Variants in FAM120B observed in about 807,000 individuals in gnomAD.
The protein encoded by FAM120B is family with sequence similarity 120 member B, also known as constitutive coactivator of peroxisome proliferator-activated receptor gamma.
Under a neutral mutation model 96.3 loss-of-function variants are expected in FAM120B, and 83 were observed. The observed-to-expected ratio is 0.86, with a 90% CI of 0.72 to 1.03. The LOEUF is 1.03. FAM120B is among the 50% of genes least tolerant of loss of function. The pLI is 0.00. For synonymous variants in FAM120B, 407 were observed against 402.7 expected, an observed-to-expected ratio of 1.01 and a Z score of -0.13; for missense variants, 1,027 against 1,121.2, an observed-to-expected ratio of 0.92 and a Z score of 1.20.
At chr6:170,302,371 T>C (rs970997829), upstream of FAM120B, among the ~76,000 whole-genome samples, 1 of 152,164 alleles carries the variant, frequency 6.6e-6, no homozygotes, top group African/African-American at 2.4e-5. Context: ...GTCCTTCCCA[T>C]GACATGTGGA....
intron 4 of FAM120B, among the ~76,000 whole-genome samples, chr6:170,342,114 G>A (rs764607268): frequency 1.3e-5 from 2 of 152,206 alleles, no homozygotes; most frequent in Non-Finnish European, 2.9e-5. Context: ...GGAGAAGGAT[G>A]TAGGCTGGGA....
At chr6:170,388,871 A>G (rs1416383365) in intron 7 of FAM120B, among the ~76,000 whole-genome samples, 1 of 152,258 alleles carries the variant, frequency 6.6e-6, no homozygotes, top group Non-Finnish European at 1.5e-5. Context: ...ACTGTTGACC[A>G]GAAGCCTTAA....
intron 3 of FAM120B, among the ~76,000 whole-genome samples, chr6:170,329,468 C>T (rs186094645): frequency 2.0e-5 from 3 of 152,266 alleles, no homozygotes; most frequent in African/African-American, 4.8e-5. Flanking sequence ...ACGACCACCC[C>T]CACTGTCCCC....
In FAM120B at chr6:170,391,080, G is replaced by A; in HGVS notation, c.2558G>A (p.Arg853Lys). The A allele has an allele frequency of 6.2e-7, 1 of 1,614,220 alleles. No individual in the cohort carries two copies. The highest frequency in any genetic ancestry group is 8.5e-7 in the Non-Finnish European group (1 of 1,180,038). ...VVCKACMKENRRITGRAHWGS... is the reference protein window; with the variant it reads ...VVCKACMKENKRITGRAHWGS... The stretch of plus-strand genomic sequence containing the variant: ...TGCAAGGCCTGCATGAAGGAGAACA[G>A]ACGCATCACTGGCCGAGCCCACTGG... Residue 853 changes from arginine (R) to lysine (K), a missense_variant, in exon 8 of 11, where the codon AGA becomes AAA. This residue lies in a region of FAM120B where 142 missense variants were observed against 122.5 expected (regional missense o/e 1.16). Transcript: ENST00000476287.
chr6:170,371,907 G>A (rs1789219743), intron 6 of FAM120B, among the ~76,000 whole-genome samples: 1 of 152,212 alleles, frequency 6.6e-6, no homozygotes, highest in South Asian at 2.1e-4. Flanking sequence ...CGAGGGCCTG[G>A]CTCAGGACCT....
chr6:170,397,474 A>T lies in FAM120B; in HGVS notation c.2692+1895A>T, dbSNP rs1173398568. ...GCTGTCACGAGGTCAGGTGGGCTAG[A>T]CTTGGAGGGCCCTGCAGCTCTGTGT... On this transcript the variant is annotated intron_variant, in intron 9 of 10. Transcript: ENST00000476287. 2.6e-5 allele frequency among the ~76,000 whole-genome samples: 4 copies of T among 152,156 alleles called. No homozygotes were observed. In the East Asian group the frequency reaches 7.7e-4, roughly 29 times the overall value.
chr6:170,293,857 A>T (rs1003444223), upstream of FAM120B, among the ~76,000 whole-genome samples: 3 of 149,852 alleles, frequency 2.0e-5, no homozygotes, highest in African/African-American at 7.4e-5. Flanking sequence ...TTTCTATAGG[A>T]GCCTGTTGTA....
At chr6:170,387,284 G>T (rs13197515) in intron 6 of FAM120B, among the ~76,000 whole-genome samples, 6,269 of 152,332 alleles carry the variant, frequency 0.041, 166 homozygotes, top group Non-Finnish European at 0.063. Context: ...ACAGTGGTGA[G>T]CAAGGTTCTT....
intron 1 of FAM120B, among the ~76,000 whole-genome samples, chr6:170,312,033 ACG>A (rs1784627046): frequency 6.6e-6 from 1 of 152,228 alleles, no homozygotes; most frequent in African/African-American, 2.4e-5. Flanking sequence ...TAAAGAACTT[ACG>A]TCCACGTTGT....
Position 170,405,738 on chromosome 6 carries a change from G to T in FAM120B, c.*987G>T, listed in dbSNP as rs373158960. On this transcript the variant is annotated 3_prime_UTR_variant, in exon 11 of 11. Coordinates refer to ENST00000476287, the MANE Select transcript of FAM120B (RefSeq NM_032448.3). ...TGGAAGAGTTAATTCTGCCTGGAGGGTTCTGCCTGGGAGACATGACAGCAT... is the reference window on the plus strand; with the variant it reads ...TGGAAGAGTTAATTCTGCCTGGAGGTTTCTGCCTGGGAGACATGACAGCAT... 6.6e-6 allele frequency: 1 copy of T among 152,178 alleles called. No homozygotes were observed. Among genetic ancestry groups the T allele is most frequent in the East Asian group, 1.9e-4 (1 of 5,182 alleles). The allele number at this position is 152,178 out of a possible 1,614,324, so 9.4% of individuals were successfully genotyped here. A position where few individuals can be genotyped will look rare whatever the true frequency, so the allele number is the denominator to read the frequency against.
At chr6:170,347,203 T>C (rs554510071) in intron 4 of FAM120B, among the ~76,000 whole-genome samples, 67 of 152,314 alleles carry the variant, frequency 4.4e-4, no homozygotes, top group African/African-American at 1.4e-3. Flanking sequence ...TCTGTTTCCT[T>C]AGTAAACAAA....
chr6:170,318,324 C>T lies in FAM120B; in HGVS notation c.934C>T (p.Pro312Ser). ...ASYLLPGQKS[P>S]WFFQKPKGVI... ...ATATCTTTTACCAGGACAAAAATCTCCATGGTTTTTCCAAAAACCCAAAGG... is the reference window on the plus strand; with the variant it reads ...ATATCTTTTACCAGGACAAAAATCTTCATGGTTTTTCCAAAAACCCAAAGG... The change falls in exon 2 of 11, where the codon CCA becomes TCA. Residue 312 changes from proline (P) to serine (S), a missense_variant. Physicochemically the swap from Pro to Ser is moderately conservative, Grantham distance 74. Around this residue, in one of 3 missense-constraint regions of FAM120B, gnomAD observed 880 missense variants for 980.9 expected, o/e 0.90. Coordinates refer to ENST00000476287, the MANE Select transcript of FAM120B (RefSeq NM_032448.3). The T allele has an allele frequency of 1.2e-6, 2 of 1,614,164 alleles. No individual in the cohort carries two copies. The highest frequency in any genetic ancestry group is 1.7e-6 in the Non-Finnish European group (2 of 1,180,022).
upstream of FAM120B, among the ~76,000 whole-genome samples, chr6:170,292,822 G>C (rs1022903842): frequency 2.0e-5 from 3 of 152,198 alleles, no homozygotes; most frequent in South Asian, 6.2e-4. This position sits in a 1 kb window ranked among gnomAD's most constrained non-coding sequence, Gnocchi z 6.6. Flanking sequence ...CAACAGAGAT[G>C]TCCACTTTAG....
chr6:170,387,761 AC>A (rs1790269070), intron 6 of FAM120B, among the ~76,000 whole-genome samples: 1 of 152,238 alleles, frequency 6.6e-6, no homozygotes, highest in Admixed American at 6.5e-5. Context: ...CATAACAAAT[AC>A]TCATAATTAC....
chr6:170,377,451 T>G (rs1789613168), intron 6 of FAM120B, among the ~76,000 whole-genome samples: 2 of 23,490 alleles, frequency 8.5e-5, no homozygotes, highest in African/African-American at 3.2e-4. Flanking sequence ...AGGCTCACGC[T>G]GCTCGGTGCT....
At chr6:170,382,606 C>A (rs940823856) in intron 6 of FAM120B, among the ~76,000 whole-genome samples, 3 of 152,126 alleles carry the variant, frequency 2.0e-5, no homozygotes, top group African/African-American at 4.8e-5. Flanking sequence ...TATACAGGAT[C>A]TGTATGCTAA....
At chr6:170,301,520 T>TTC (rs34489506) in intron 1 of FAM120B, among the ~76,000 whole-genome samples, 42,583 of 152,158 alleles carry the variant, frequency 0.28, 6,573 homozygotes, top group East Asian at 0.35. Flanking sequence ...TTATGCAAAT[T>TTC]TGTTGCCAAC....
intron 4 of FAM120B, among the ~76,000 whole-genome samples, chr6:170,347,780 G>A (rs1787291179): frequency 6.6e-6 from 1 of 152,168 alleles, no homozygotes; most frequent in African/African-American, 2.4e-5. Context: ...GCAAACTAAG[G>A]GGTAGATGGA....
At chr6:170,298,463 G>C (rs185093068) in intron 1 of FAM120B, 5 of 151,958 alleles carry the variant, frequency 3.3e-5, no homozygotes, top group African/African-American at 1.2e-4. Flanking sequence ...TGAGGAAACA[G>C]AACAGGGATA....
Sources: gnomAD v4.1 joint callset for allele counts (sites outside exome capture counted in the v4.1 genomes callset) on GRCh38, gnomAD v4.1.1 for gene constraint, gnomAD v4.1.1 regional missense constraint, Gnocchi (gnomAD v3.1) non-coding constraint, MANE v1.5 for transcripts, NCBI Gene and HGNC (gene_info 2026-07-23, HGNC 2026-07-21) for gene names.